The following FAM240C variants were observed in gnomAD, a reference collection of about 807,000 sequenced individuals.
The protein encoded by FAM240C is protein FAM240C.
Under a neutral mutation model 10.0 loss-of-function variants are expected in FAM240C, and 14 were observed. That is an observed-to-expected ratio of 1.40 (90% confidence interval 0.92 to 2.19). The LOEUF (loss-of-function observed/expected upper bound fraction) is 2.19, where lower values mean the gene tolerates loss of function less well. Among genes scored for constraint, FAM240C ranks in the 30% most tolerant of loss-of-function variants. The pLI is 0.00. For missense variants in FAM240C, 154 were observed against 122.3 expected, an observed-to-expected ratio of 1.26 and a Z score of -1.22; for synonymous variants, 49 against 44.3, an observed-to-expected ratio of 1.11 and a Z score of -0.42.
chr2:241,898,459 G>A (rs1451603664), intron 1 of FAM240C, among the ~76,000 whole-genome samples: 1 of 152,226 alleles, frequency 6.6e-6, no homozygotes, highest in African/African-American at 2.4e-5. Flanking sequence ...GGCTGAGGCA[G>A]GAGAATCGCT....
At chr2:241,896,139 C>T (rs1701795640) in intron 2 of FAM240C, among the ~76,000 whole-genome samples, 1 of 152,166 alleles carries the variant, frequency 6.6e-6, no homozygotes, top group African/African-American at 2.4e-5. Flanking sequence ...GGGGCCTGAG[C>T]ACCGAGGGCT....
At chr2:241,897,361 T>C in intron 1 of FAM240C, 27 bp from the exon 2 acceptor site, 5 of 1,547,816 alleles carry the variant, frequency 3.2e-6, no homozygotes, top group Admixed American at 2.0e-5. Context: ...GGAGAAGAGC[T>C]CAGTCACCTT....
chr2:241,894,491 C>G (rs1224304177), intron 2 of FAM240C, among the ~76,000 whole-genome samples, 152 bp from the exon 3 acceptor site: 1 of 149,736 alleles, frequency 6.7e-6, no homozygotes, highest in Non-Finnish European at 1.5e-5. Flanking sequence ...CCTGCCCAGC[C>G]AGCAGCTGTG....
chr2:241,901,390 G>T (rs552759643), upstream of FAM240C, among the ~76,000 whole-genome samples: 2 of 152,338 alleles, frequency 1.3e-5, no homozygotes, highest in African/African-American at 4.8e-5. The surrounding 1 kb of genome is among the most constrained non-coding windows in gnomAD (Gnocchi z 4.9). Context: ...CCAAGTCATT[G>T]ATAGTTTCAG....
Position 241,900,108 on chromosome 2 carries a change from A to C in FAM240C, c.12+250T>G, listed in dbSNP as rs957173596. Among the ~76,000 whole-genome samples, 4 of 152,210 alleles carry C rather than the reference A, an allele frequency of 2.6e-5. No individual in the cohort carries two copies. Among genetic ancestry groups the C allele is most frequent in the African/African-American group, 7.2e-5 (3 of 41,528 alleles). ...GCAACAAAACAAAACAACAATGACAACAACAGACACACAAAGGGGTGCGTG... is the reference window on the plus strand; with the variant it reads ...GCAACAAAACAAAACAACAATGACACCAACAGACACACAAAGGGGTGCGTG... On this transcript the variant is annotated intron_variant, in intron 1 of 2. Transcript: ENST00000404031. The surrounding 1 kb of genome is among the most constrained non-coding windows in gnomAD (Gnocchi z 4.5).
chr2:241,894,076 T>C lies in FAM240C; in HGVS notation c.*137A>G. On this transcript the variant is annotated 3_prime_UTR_variant, in exon 3 of 3. Transcript: ENST00000404031. Reference sequence around the variant, plus strand: ...AGCGTGGACCCCGAGGTGGGATTATTACGGGGTCAGCGAGGTGCGGGCCAT... The same window carrying C: ...AGCGTGGACCCCGAGGTGGGATTATCACGGGGTCAGCGAGGTGCGGGCCAT... The C allele has an allele frequency of 6.0e-6, 6 of 1,002,448 alleles. No individual in the cohort carries two copies. Among genetic ancestry groups the C allele is most frequent in the Non-Finnish European group, 8.5e-6 (6 of 703,216 alleles). The allele number at this position is 1,002,448 out of a possible 1,614,324, so 62.1% of individuals were successfully genotyped here.
upstream of FAM240C, among the ~76,000 whole-genome samples, chr2:241,901,660 G>A (rs1701986373): frequency 6.6e-6 from 1 of 152,190 alleles, no homozygotes; most frequent in African/African-American, 2.4e-5. This position sits in a 1 kb window ranked among gnomAD's most constrained non-coding sequence, Gnocchi z 4.9. Context: ...GAAAGACGGT[G>A]CTCAGGCAGC....
intron 1 of FAM240C, chr2:241,899,094 C>T (rs552497268): frequency 7.7e-6 from 10 of 1,300,720 alleles, no homozygotes; most frequent in South Asian, 4.9e-5. Flanking sequence ...CCCGCGGGCT[C>T]GTTTCCTGCA....
intron 1 of FAM240C, among the ~76,000 whole-genome samples, chr2:241,897,602 T>G (rs908599966): frequency 6.6e-6 from 1 of 152,218 alleles, no homozygotes; most frequent in African/African-American, 2.4e-5. Context: ...AAATTCCATT[T>G]TGGGCTTTTA....
At chr2:241,896,782 G>GTTGGGGTGTGGGT (rs1701830861) in intron 2 of FAM240C, among the ~76,000 whole-genome samples, 1 of 27,202 alleles carries the variant, frequency 3.7e-5, no homozygotes, top group East Asian at 2.6e-3. Context: ...GGGTGTGGGT[G>GTTGGGGTGTGGGT]AAGGGGGTGT....
chr2:241,896,934 C>G (rs1231563086), intron 2 of FAM240C, among the ~76,000 whole-genome samples: 1 of 151,628 alleles, frequency 6.6e-6, no homozygotes, highest in East Asian at 1.9e-4. Context: ...GATCTGAGCT[C>G]CTGGTCTCAC....
chr2:241,901,264 T>A (rs902135045), upstream of FAM240C, among the ~76,000 whole-genome samples: 30 of 151,908 alleles, frequency 2.0e-4, no homozygotes, highest in Non-Finnish European at 1.9e-4. The surrounding 1 kb of genome is among the most constrained non-coding windows in gnomAD (Gnocchi z 4.9). Context: ...TGGACGGGGT[T>A]CCTCTCCCAG....
upstream of FAM240C, among the ~76,000 whole-genome samples, chr2:241,901,790 C>T (rs568052613): frequency 6.6e-6 from 1 of 152,354 alleles, no homozygotes; most frequent in East Asian, 1.9e-4. This position sits in a 1 kb window ranked among gnomAD's most constrained non-coding sequence, Gnocchi z 4.9. Context: ...GCGTCTCCAG[C>T]AGGACTGCGT....
rs377671329 is a variant in FAM240C, at chr2:241,894,167, C to T, written c.*46G>A. On this transcript the variant is annotated 3_prime_UTR_variant, in exon 3 of 3. Coordinates refer to ENST00000404031, the MANE Select transcript of FAM240C (RefSeq NM_001382368.1). ...GGACCCCACGCGTGGTGTTCCTTCT[C>T]CATGACCCTCCGGAAGCTCATGCAG... 2.0e-6 allele frequency: 3 copies of T among 1,528,546 alleles called. No individual in the cohort carries two copies. The highest frequency in any genetic ancestry group is 2.8e-5 in the African/African-American group (2 of 72,654). The allele number at this position is 1,528,546 out of a possible 1,614,324, so 94.7% of individuals were successfully genotyped here.
intron 1 of FAM240C, chr2:241,899,311 G>A: frequency 2.0e-6 from 2 of 985,432 alleles, no homozygotes; most frequent in Non-Finnish European, 2.4e-6. Context: ...TGCCCCTGGA[G>A]GGCCACAGAA....
intron 1 of FAM240C, among the ~76,000 whole-genome samples, chr2:241,897,623 A>C (rs899006228): frequency 5.9e-5 from 9 of 152,316 alleles, no homozygotes; most frequent in African/African-American, 2.2e-4. Flanking sequence ...GTCATTTTAA[A>C]ATCTAAGCAA....
Position 241,896,113 on chromosome 2 carries a change from C to A in FAM240C, c.161+1073G>T, listed in dbSNP as rs1306457959. On this transcript the variant is annotated intron_variant, in intron 2 of 2. Transcript: ENST00000404031. Reference sequence around the variant, plus strand: ...CCGCCTCGGGCTGCTGAAGGGGTACCACGGCTCTCTTGCTCGGGGCCTGAG... The same window carrying A: ...CCGCCTCGGGCTGCTGAAGGGGTACAACGGCTCTCTTGCTCGGGGCCTGAG... Among the ~76,000 whole-genome samples the A allele has an allele frequency of 9.2e-5, 14 of 151,872 alleles. 1 individual carries two copies. Among genetic ancestry groups the A allele is most frequent in the Admixed American group, 9.2e-4 (14 of 15,268 alleles).
chr2:241,902,102 T>C (rs1422880716), upstream of FAM240C, among the ~76,000 whole-genome samples: 2 of 152,162 alleles, frequency 1.3e-5, no homozygotes, highest in Admixed American at 1.3e-4. This position sits in a 1 kb window ranked among gnomAD's most constrained non-coding sequence, Gnocchi z 7.1. Flanking sequence ...GAGGAGGAAT[T>C]TGGGAGAATG....
intron 2 of FAM240C, among the ~76,000 whole-genome samples, chr2:241,895,630 G>A (rs1174650209): frequency 6.6e-6 from 1 of 152,254 alleles, no homozygotes; most frequent in Non-Finnish European, 1.5e-5. Context: ...AAAAGCAGTG[G>A]TTGGCCTCGT....
Sources: allele counts gnomAD v4.1 joint callset (sites outside exome capture counted in the v4.1 genomes callset), GRCh38; gene constraint gnomAD v4.1.1; non-coding constraint Gnocchi (gnomAD v3.1); transcripts MANE v1.5; gene names NCBI Gene and HGNC (gene_info 2026-07-23, HGNC 2026-07-21).